Variants in NRXN3 observed in about 807,000 individuals in gnomAD.
The protein encoded by NRXN3 is neurexin 3.
In NRXN3, 32 loss-of-function variants were observed where a neutral mutation model predicts 137.6. The ratio of observed to expected loss-of-function variants is 0.23; its 90% confidence interval spans 0.18 to 0.31. The LOEUF is 0.31. Among genes scored for constraint, NRXN3 ranks in the 10% least tolerant of loss-of-function variants. NRXN3 has a pLI of 1.00. For synonymous variants in NRXN3, 798 were observed against 784.5 expected (o/e 1.02, Z -0.29); for missense variants, 1,574 against 2,062.5 (o/e 0.76, Z 4.59).
intron 1 of NRXN3, among the ~76,000 whole-genome samples, chr14:78,200,343 G>C (rs985832897): frequency 6.6e-6 from 1 of 152,228 alleles, no homozygotes; most frequent in Non-Finnish European, 1.5e-5. Flanking sequence ...CATCGGTTGT[G>C]AATGTGCAAC....
chr14:79,470,415 A>G (rs2096484915), intron 16 of NRXN3, among the ~76,000 whole-genome samples: 1 of 152,128 alleles, frequency 6.6e-6, no homozygotes, highest in Non-Finnish European at 1.5e-5. Context: ...CTGCATCCTC[A>G]GGAGGGGAGG....
intron 15 of NRXN3, among the ~76,000 whole-genome samples, chr14:79,174,501 T>TTTTATATATA (rs1555815275): frequency 2.1e-5 from 3 of 143,514 alleles, no homozygotes; most frequent in Admixed American, 7.1e-5. Flanking sequence ...ATTGAAAGTT[T>TTTTATATATA]TATATATATA....
At chr14:78,502,070 AG>A (rs1249961937) in intron 4 of NRXN3, among the ~76,000 whole-genome samples, 1 of 152,098 alleles carries the variant, frequency 6.6e-6, no homozygotes, top group Non-Finnish European at 1.5e-5. Flanking sequence ...TCCCTCTTCT[AG>A]TCCCTGCAGG....
At chr14:78,475,678 C>T (rs952812326) in intron 4 of NRXN3, among the ~76,000 whole-genome samples, 1 of 152,196 alleles carries the variant, frequency 6.6e-6, no homozygotes, top group Non-Finnish European at 1.5e-5. Flanking sequence ...TACCAAACAC[C>T]TCTGCTACAA....
intron 4 of NRXN3, among the ~76,000 whole-genome samples, chr14:78,599,592 C>G (rs2097186336): frequency 6.6e-6 from 1 of 152,170 alleles, no homozygotes; most frequent in Admixed American, 6.5e-5. Context: ...ATTCCTTTTC[C>G]TGTACCCCTC....
intron 4 of NRXN3, among the ~76,000 whole-genome samples, chr14:78,470,674 A>T (rs892685261): frequency 1.3e-5 from 2 of 152,176 alleles, no homozygotes; most frequent in African/African-American, 4.8e-5. Flanking sequence ...ATAAATAGTA[A>T]GATAGAAAAG....
intron 8 of NRXN3, among the ~76,000 whole-genome samples, chr14:78,763,741 T>G (rs944056165): frequency 3.3e-5 from 5 of 152,078 alleles, no homozygotes; most frequent in African/African-American, 1.2e-4. Flanking sequence ...TAGAGAGAGG[T>G]GCAGCTTTCT....
chr14:79,858,931 G>T (rs1239236408), intron 20 of NRXN3, among the ~76,000 whole-genome samples: 1 of 146,976 alleles, frequency 6.8e-6, no homozygotes, highest in East Asian at 2.0e-4. Context: ...TGTAAATTAT[G>T]CATTAAATAA....
intron 1 of NRXN3, among the ~76,000 whole-genome samples, chr14:78,179,134 C>T (rs146975818): frequency 2.0e-5 from 3 of 152,180 alleles, no homozygotes; most frequent in Non-Finnish European, 4.4e-5. Flanking sequence ...CTCCTTCCCC[C>T]GTGGAGCAGG....
chr14:78,840,272 G>C (rs147089910), intron 10 of NRXN3, among the ~76,000 whole-genome samples: 22 of 152,278 alleles, frequency 1.4e-4, no homozygotes, highest in African/African-American at 5.1e-4. Flanking sequence ...TTTAAGTTCT[G>C]TTACCTGAAG....
intron 16 of NRXN3, 54 bp from the exon 17 acceptor site, chr14:79,663,724 G>A: frequency 6.5e-7 from 1 of 1,530,994 alleles, no homozygotes; most frequent in Non-Finnish European, 8.9e-7. Context: ...AAGTTTAAAG[G>A]GAGAGAACTT....
chr14:79,714,847 T>C (rs946262216), intron 19 of NRXN3, among the ~76,000 whole-genome samples: 32 of 152,336 alleles, frequency 2.1e-4, no homozygotes, highest in African/African-American at 7.2e-4. Flanking sequence ...AGCATCCTTT[T>C]TAAATTCAAA....
intron 16 of NRXN3, among the ~76,000 whole-genome samples, chr14:79,546,924 T>C (rs988981330): frequency 3.3e-5 from 5 of 152,162 alleles, no homozygotes; most frequent in African/African-American, 1.2e-4. Context: ...GCCCATTCAC[T>C]GCAGTCAAGC....
intron 15 of NRXN3, among the ~76,000 whole-genome samples, chr14:79,367,589 G>T (rs183587791): frequency 6.6e-6 from 1 of 152,060 alleles, no homozygotes; most frequent in Non-Finnish European, 1.5e-5. Context: ...AAAGAAGAAA[G>T]AATAAGAACT....
At chr14:78,800,790 T>A (rs77097885) in intron 8 of NRXN3, among the ~76,000 whole-genome samples, 3,112 of 152,312 alleles carry the variant, frequency 0.02, 110 homozygotes, top group African/African-American at 0.071. Context: ...TCTTTCTAGA[T>A]ATGAGGGTAC....
chr14:78,580,801 T>C (rs1312470523), intron 4 of NRXN3, among the ~76,000 whole-genome samples: 1 of 152,202 alleles, frequency 6.6e-6, no homozygotes, highest in African/African-American at 2.4e-5. Context: ...TAACTCTTCT[T>C]TGGGGCCAGG....
Position 78,951,027 on chromosome 14 carries a change from T to A in NRXN3, c.2276-6215T>A, listed in dbSNP as rs368228030. 3.7e-3 allele frequency among the ~76,000 whole-genome samples: 558 copies of A among 152,278 alleles called. 1 individual carries two copies. Among genetic ancestry groups the A allele is most frequent in the African/African-American group, 0.013 (531 of 41,558 alleles). On this transcript the variant is annotated intron_variant, in intron 10 of 20. Coordinates refer to ENST00000335750, the MANE Select transcript of NRXN3 (RefSeq NM_001330195.2). The stretch of plus-strand genomic sequence containing the variant: ...CTCTCTTTACTTCTCCTACTACCAA[T>A]TCACCTCCCAAACCAATCTCCAAGT...
At chr14:79,179,381 G>A (rs1281494499) in intron 15 of NRXN3, among the ~76,000 whole-genome samples, 1 of 152,166 alleles carries the variant, frequency 6.6e-6, no homozygotes, top group African/African-American at 2.4e-5. Context: ...CACAGTTTGA[G>A]CTGTATTGTT....
intron 15 of NRXN3, among the ~76,000 whole-genome samples, chr14:79,314,987 A>G (rs981615846): frequency 1.3e-5 from 2 of 152,214 alleles, no homozygotes; most frequent in African/African-American, 4.8e-5. Context: ...CCTGCTTATT[A>G]TATGCTATGG....
Sources: gnomAD v4.1 joint callset for allele counts (sites outside exome capture counted in the v4.1 genomes callset) on GRCh38, gnomAD v4.1.1 for gene constraint, MANE v1.5 for transcripts, NCBI Gene and HGNC (gene_info 2026-07-23, HGNC 2026-07-21) for gene names.